ECE1: variants seen among roughly 807,000 people sequenced by gnomAD.
ECE1 encodes the protein endothelin-converting enzyme 1.
A neutral mutation model predicts 98.6 loss-of-function variants in ECE1; 35 were observed. The observed-to-expected ratio is 0.35, with a 90% confidence interval of 0.27 to 0.47. ECE1 has a LOEUF of 0.47. Among genes scored for constraint, ECE1 ranks in the 20% least tolerant of loss-of-function variants. The probability of loss-of-function intolerance (pLI) is 1.00; values close to 1 mark genes in which losing one functional copy is unlikely to be tolerated. For missense variants in ECE1, 814 were observed against 1,025.3 expected, an observed-to-expected ratio of 0.79 and a Z score of 2.81; for synonymous variants, 394 against 407.1, an observed-to-expected ratio of 0.97 and a Z score of 0.39.
rs1277889152 is a variant in ECE1 at position 21,327,844 on chromosome 1, A to C, written c.3+17532T>G. 1.3e-5 allele frequency among the ~76,000 whole-genome samples: 2 copies of C among 152,214 alleles called. No homozygotes were observed. The highest frequency in any genetic ancestry group is 4.8e-5 in the African/African-American group (2 of 41,458). On this transcript the variant is annotated intron_variant, in intron 1 of 18. Transcript: ENST00000415912. This position sits in a 1 kb window ranked among gnomAD's most constrained non-coding sequence, Gnocchi z 4.6. ...CCTGAGCTCTGCCTTCGGTCAGATC[A>C]GCGGTGGCATTAGATTCTCGTAGGA...
intron 2 of ECE1, among the ~76,000 whole-genome samples, chr1:21,280,835 T>C (rs2098253593): frequency 6.6e-6 from 1 of 152,082 alleles, no homozygotes; most frequent in East Asian, 1.9e-4. Context: ...TGGGAATTGC[T>C]GCACCAGAGA....
intron 1 of ECE1, among the ~76,000 whole-genome samples, chr1:21,320,220 C>A (rs1638932134): frequency 1.3e-5 from 2 of 152,144 alleles, no homozygotes; most frequent in Non-Finnish European, 2.9e-5. Flanking sequence ...GACACTAACC[C>A]CGCCCACGAC....
chr1:21,273,007 C>A (rs1336839318), intron 3 of ECE1, 96 bp from the exon 4 acceptor site: 1 of 1,352,146 alleles, frequency 7.4e-7, no homozygotes, highest in Non-Finnish European at 1.0e-6. Context: ...CCACATGTCC[C>A]ACCCTGGCCC....
intron 1 of ECE1, among the ~76,000 whole-genome samples, chr1:21,336,773 G>A (rs956377502): frequency 3.3e-5 from 5 of 152,126 alleles, no homozygotes; most frequent in African/African-American, 4.8e-5. Context: ...AACCCAAAAG[G>A]TGGAGCTTGC....
At chr1:21,309,959 T>A (rs563872663) in intron 1 of ECE1, among the ~76,000 whole-genome samples, 36 of 152,006 alleles carry the variant, frequency 2.4e-4, no homozygotes, top group Admixed American at 2.3e-3. Flanking sequence ...ACCCGGCTAT[T>A]TCTTGTATTT....
intron 1 of ECE1, among the ~76,000 whole-genome samples, chr1:21,316,289 G>A (rs1638831070): frequency 6.6e-6 from 1 of 152,146 alleles, no homozygotes; most frequent in African/African-American, 2.4e-5. Context: ...TGTTTTTTGA[G>A]AAAGAGTCTT....
At position 21,235,817 on chromosome 1, in the gene ECE1, G is replaced by A. The variant is rs1326114064; in HGVS notation, c.1566+33C>T. On this transcript the variant is annotated intron_variant, in intron 13 of 18. Transcript: ENST00000374893. This position sits in a 1 kb window ranked among gnomAD's most constrained non-coding sequence, Gnocchi z 4.2. The stretch of plus-strand genomic sequence containing the variant: ...CGGCCCTTTTCTAAGGGGGCATTTA[G>A]GAACGCAAGGGGGCAGGGCAGCAGC... The A allele has an allele frequency of 1.1e-5, 18 of 1,610,758 alleles. 1 individual carries two copies. The Admixed American group carries it at 3.0e-4, about 27-fold the overall frequency.
intron 1 of ECE1, among the ~76,000 whole-genome samples, chr1:21,300,749 T>G (rs752444140): frequency 5.9e-5 from 9 of 152,156 alleles, no homozygotes; most frequent in Non-Finnish European, 1.2e-4. Flanking sequence ...AATTACTATT[T>G]TTGCTCCCTT....
At chr1:21,221,987 C>G (rs1004460899) in intron 17 of ECE1, 145 bp from the exon 18 acceptor site, 1 of 761,990 alleles carries the variant, frequency 1.3e-6, no homozygotes, top group Non-Finnish European at 2.3e-6. Context: ...CTAGGGGAGC[C>G]CTCTTCTTGA....
intron 2 of ECE1, among the ~76,000 whole-genome samples, chr1:21,281,315 A>T (rs2098254262): frequency 6.6e-6 from 1 of 152,186 alleles, no homozygotes; most frequent in Non-Finnish European, 1.5e-5. Flanking sequence ...AGTGGGAGGG[A>T]TGCCGCCCGC....
At chr1:21,237,767 T>C (rs960433847) in intron 11 of ECE1, among the ~76,000 whole-genome samples, 1 of 152,146 alleles carries the variant, frequency 6.6e-6, no homozygotes. Flanking sequence ...CCTCTGCCTG[T>C]CTAGAACAAA....
chr1:21,298,899 C>T (rs1048029440), intron 1 of ECE1: 53 of 456,278 alleles, frequency 1.2e-4, no homozygotes, highest in African/African-American at 9.4e-4. Flanking sequence ...TCTCCAAGCA[C>T]AAACTGCAAA....
At chr1:21,267,879 T>A (rs1165338399) in intron 4 of ECE1, among the ~76,000 whole-genome samples, 1 of 152,206 alleles carries the variant, frequency 6.6e-6, no homozygotes, top group East Asian at 1.9e-4. Flanking sequence ...CAGGGTGACA[T>A]GATTAATTGC....
At chr1:21,328,391 C>A (rs1401973790) in intron 1 of ECE1, among the ~76,000 whole-genome samples, 1 of 152,202 alleles carries the variant, frequency 6.6e-6, no homozygotes, top group Non-Finnish European at 1.5e-5. Flanking sequence ...CATAGTGGGT[C>A]CTCAGTAAAT....
intron 2 of ECE1, among the ~76,000 whole-genome samples, chr1:21,284,110 T>C (rs1470139387): frequency 1.3e-5 from 2 of 152,218 alleles, no homozygotes; most frequent in Non-Finnish European, 2.9e-5. Flanking sequence ...GCCGCTGGCC[T>C]CGGCTGAGTC....
chr1:21,344,786 T>C (rs1161460371), intron 1 of ECE1, among the ~76,000 whole-genome samples: 4 of 152,168 alleles, frequency 2.6e-5, no homozygotes, highest in East Asian at 3.9e-4. Context: ...GAGTGTCCCC[T>C]GGTCTCTGAC....
At chr1:21,337,946 C>T (rs1361161367) in intron 1 of ECE1, among the ~76,000 whole-genome samples, 3 of 152,302 alleles carry the variant, frequency 2.0e-5, no homozygotes, top group Middle Eastern at 3.4e-3. Flanking sequence ...AGCCAGTCCT[C>T]GCCCCTCGCC....
chr1:21,289,957 A>AG (rs1009947006), intron 2 of ECE1, 113 bp downstream of exon 2: 208 of 1,040,682 alleles, frequency 2.0e-4, no homozygotes, highest in Non-Finnish European at 2.3e-4. Flanking sequence ...GGGACGAGGG[A>AG]GGGGAAGGGA....
intron 1 of ECE1, among the ~76,000 whole-genome samples, chr1:21,343,894 A>G (rs1639448057): frequency 6.6e-6 from 1 of 152,212 alleles, no homozygotes; most frequent in Middle Eastern, 3.4e-3. Flanking sequence ...GGATCATACA[A>G]CCTCAAAGTC....
Sources: allele counts gnomAD v4.1 joint callset (sites outside exome capture counted in the v4.1 genomes callset), GRCh38; gene constraint gnomAD v4.1.1; non-coding constraint Gnocchi (gnomAD v3.1); transcripts MANE v1.5; gene names NCBI Gene and HGNC (gene_info 2026-07-23, HGNC 2026-07-21).